Variants in TBC1D22A observed in about 807,000 individuals in gnomAD.
TBC1D22A encodes the protein putative GTPase activator.
In TBC1D22A, 38 loss-of-function variants were observed where a neutral mutation model predicts 60.2. That is an observed-to-expected ratio of 0.63 (90% CI 0.49 to 0.83). The LOEUF (loss-of-function observed/expected upper bound fraction) is 0.83, where lower values mean the gene tolerates loss of function less well. Ranked by LOEUF, TBC1D22A falls within the 40% of genes least tolerant of loss-of-function variation. The probability of loss-of-function intolerance (pLI) is 0.00; values close to 1 mark genes in which losing one functional copy is unlikely to be tolerated. For missense variants in TBC1D22A, 628 were observed against 701.0 expected (o/e 0.90, Z 1.18); for synonymous variants, 302 against 281.7 (o/e 1.07, Z -0.72).
chr22:47,172,460 C>G (rs932001343), intron 12 of TBC1D22A, among the ~76,000 whole-genome samples: 2 of 152,218 alleles, frequency 1.3e-5, no homozygotes, highest in African/African-American at 2.4e-5. Context: ...ATGATTTTAT[C>G]CACACTGAAC....
chr22:47,153,144 A>G (rs1160429818), intron 12 of TBC1D22A, among the ~76,000 whole-genome samples: 2 of 152,114 alleles, frequency 1.3e-5, no homozygotes, highest in African/African-American at 4.8e-5. Flanking sequence ...AACTCCAGCC[A>G]TTGCATCCAT....
At chr22:47,101,207 C>T (rs1174431738) in intron 11 of TBC1D22A, among the ~76,000 whole-genome samples, 4 of 152,204 alleles carry the variant, frequency 2.6e-5, no homozygotes, top group African/African-American at 9.7e-5. Context: ...GAACCATATT[C>T]ATCATTCGAG....
intron 10 of TBC1D22A, among the ~76,000 whole-genome samples, chr22:47,015,879 C>T (rs1490111817): frequency 2.0e-5 from 3 of 152,204 alleles, no homozygotes; most frequent in African/African-American, 7.2e-5. Context: ...TGGGCTTCTC[C>T]TCATGTCCAT....
In TBC1D22A at chr22:46,766,502, A is replaced by G. The variant is rs561538939; in HGVS notation, c.62+3654A>G. ...AGGAGGAAGACTACACCCACTGTAC[A>G]ATACAAGACTAGTAAGGGATCTTTC... is the stretch of plus-strand genomic sequence containing the variant. On this transcript the variant is annotated intron_variant, in intron 1 of 12. Coordinates refer to ENST00000337137, the MANE Select transcript of TBC1D22A (RefSeq NM_014346.5). 2.6e-5 allele frequency among the ~76,000 whole-genome samples: 4 copies of G among 152,244 alleles called. No homozygotes were observed. The South Asian group carries it at 8.3e-4, about 32-fold the overall frequency.
At chr22:47,124,290 G>A (rs970680277) in intron 12 of TBC1D22A, among the ~76,000 whole-genome samples, 2 of 152,214 alleles carry the variant, frequency 1.3e-5, no homozygotes, top group African/African-American at 2.4e-5. Flanking sequence ...GAAGGGCGCC[G>A]TGGGAGCTGG....
At chr22:47,123,115 T>C (rs1315566853) in intron 12 of TBC1D22A, among the ~76,000 whole-genome samples, 1 of 152,104 alleles carries the variant, frequency 6.6e-6, no homozygotes, top group African/African-American at 2.4e-5. Context: ...GGTGTTCCCG[T>C]GAGGTTCCGT....
At chr22:47,093,200 G>A (rs528517786) in intron 11 of TBC1D22A, among the ~76,000 whole-genome samples, 5 of 152,252 alleles carry the variant, frequency 3.3e-5, no homozygotes, top group Admixed American at 1.3e-4. Context: ...TACTTGTGAC[G>A]GGAGCTTGTG....
intron 11 of TBC1D22A, among the ~76,000 whole-genome samples, chr22:47,056,259 T>A (rs549925004): frequency 6.6e-6 from 1 of 152,178 alleles, no homozygotes; most frequent in African/African-American, 2.4e-5. Flanking sequence ...CTGGGTGCCC[T>A]TGGGGCTCTG....
At chr22:46,889,612 C>T (rs988624211) in intron 5 of TBC1D22A, among the ~76,000 whole-genome samples, 9 of 152,132 alleles carry the variant, frequency 5.9e-5, no homozygotes, top group East Asian at 5.8e-4. Context: ...CATCGACAGG[C>T]GAATCTTTAA....
chr22:46,960,608 T>C (rs1274246173), intron 8 of TBC1D22A, among the ~76,000 whole-genome samples: 3 of 152,202 alleles, frequency 2.0e-5, no homozygotes. Flanking sequence ...CCAGGCAGTC[T>C]GCTCTGCCAC....
chr22:46,885,322 G>C (rs532259710), intron 5 of TBC1D22A, among the ~76,000 whole-genome samples: 57 of 152,320 alleles, frequency 3.7e-4, no homozygotes, highest in African/African-American at 1.3e-3. Context: ...GGCTTGGCTT[G>C]AGTTTGCCTT....
At chr22:47,170,491 G>A (rs941551081) in intron 12 of TBC1D22A, among the ~76,000 whole-genome samples, 2 of 152,188 alleles carry the variant, frequency 1.3e-5, no homozygotes, top group South Asian at 2.1e-4. Context: ...AGTGAAATTC[G>A]CTCCCTGAAT....
At chr22:46,787,029 C>T (rs79764209) in intron 1 of TBC1D22A, among the ~76,000 whole-genome samples, 3,304 of 152,236 alleles carry the variant, frequency 0.022, 53 homozygotes, top group Middle Eastern at 0.041. Flanking sequence ...GTCATATTTC[C>T]TCCTGCTCCT....
intron 4 of TBC1D22A, among the ~76,000 whole-genome samples, chr22:46,817,604 C>G (rs1601992968): frequency 6.6e-6 from 1 of 152,212 alleles, no homozygotes; most frequent in South Asian, 2.1e-4. Context: ...TTTATGGCTG[C>G]ATAGTATTCC....
At chr22:46,998,552 C>T (rs564127594) in intron 10 of TBC1D22A, among the ~76,000 whole-genome samples, 3 of 152,364 alleles carry the variant, frequency 2.0e-5, no homozygotes, top group Admixed American at 6.5e-5. Context: ...GGGCCCTGCC[C>T]GCTGAGCGTT....
At position 46,976,932 on chromosome 22, in the gene TBC1D22A, A is replaced by G. The variant is rs149977834; in HGVS notation, c.1125+2533A>G. ...GGAAGAGGGTCTTCAAGGGCCTCCT[A>G]GCCCCACAGTTTCTGTGATTGGTAG... On this transcript the variant is annotated intron_variant, in intron 9 of 12. Coordinates refer to ENST00000337137, the MANE Select transcript of TBC1D22A (RefSeq NM_014346.5). Among the ~76,000 whole-genome samples, 194 of 152,270 alleles carry G rather than the reference A, an allele frequency of 1.3e-3. 2 individuals carry two copies. The highest frequency in any genetic ancestry group is 4.5e-3 in the African/African-American group (185 of 41,562).
At chr22:46,837,554 C>T (rs1385520595) in intron 4 of TBC1D22A, among the ~76,000 whole-genome samples, 1 of 152,128 alleles carries the variant, frequency 6.6e-6, no homozygotes, top group African/African-American at 2.4e-5. Flanking sequence ...ATCTTGATAT[C>T]ACACAATGGT....
At chr22:46,935,963 C>G (rs2071628007) in intron 8 of TBC1D22A, among the ~76,000 whole-genome samples, 1 of 152,250 alleles carries the variant, frequency 6.6e-6, no homozygotes, top group African/African-American at 2.4e-5. Flanking sequence ...GGCCCCTCCT[C>G]TGAACTCTGA....
At chr22:46,831,686 C>T (rs2086315417) in intron 4 of TBC1D22A, among the ~76,000 whole-genome samples, 1 of 152,104 alleles carries the variant, frequency 6.6e-6, no homozygotes, top group Non-Finnish European at 1.5e-5. Flanking sequence ...TGCCTGTGCC[C>T]AGCGGGCTCT....
Sources: allele counts gnomAD v4.1 joint callset (sites outside exome capture counted in the v4.1 genomes callset), GRCh38; gene constraint gnomAD v4.1.1; transcripts MANE v1.5; gene names NCBI Gene and HGNC (gene_info 2026-07-23, HGNC 2026-07-21).